The following ITGBL1 variants were observed in gnomAD, a reference collection of about 807,000 sequenced individuals.
ITGBL1 encodes the protein integrin subunit beta like 1, also known as integrin beta-like protein 1.
In ITGBL1, 51 loss-of-function variants were observed where a neutral mutation model predicts 68.5. That is an observed-to-expected ratio of 0.74 (90% CI 0.59 to 0.94). The LOEUF is 0.94. Ranked by LOEUF, ITGBL1 falls within the 40% of genes least tolerant of loss-of-function variation. The pLI, the probability that ITGBL1 is intolerant of heterozygous loss-of-function variation, is 0.00. For synonymous variants in ITGBL1, 209 were observed against 227.3 expected (o/e 0.92, Z 0.72); for missense variants, 649 against 647.4 (o/e 1.00, Z -0.03).
At chr13:101,566,669 G>A (rs1234982486) in intron 2 of ITGBL1, among the ~76,000 whole-genome samples, 2 of 152,026 alleles carry the variant, frequency 1.3e-5, no homozygotes, top group Admixed American at 6.6e-5. Flanking sequence ...CTTATCCCTT[G>A]GATTTCAGCT....
intron 6 of ITGBL1, among the ~76,000 whole-genome samples, chr13:101,594,579 G>T (rs1566747086): frequency 6.6e-6 from 1 of 152,074 alleles, no homozygotes; most frequent in Non-Finnish European, 1.5e-5. Flanking sequence ...AAAAATAAAT[G>T]AGTGGGACTG....
At chr13:101,620,549 C>A (rs17624306) in intron 7 of ITGBL1, among the ~76,000 whole-genome samples, 12,257 of 152,086 alleles carry the variant, frequency 0.081, 782 homozygotes, top group African/African-American at 0.17. Flanking sequence ...AGCAGTATTT[C>A]TAGAAGGCAT....
intron 2 of ITGBL1, among the ~76,000 whole-genome samples, chr13:101,462,831 C>T (rs1018172092): frequency 1.3e-5 from 2 of 152,196 alleles, no homozygotes; most frequent in Admixed American, 6.5e-5. Context: ...GATCCACCTG[C>T]CTTGGCCTCC....
In ITGBL1 at chr13:101,544,494, G is replaced by A. The variant is rs536219170; in HGVS notation, c.317-23205G>A. 4.4e-4 allele frequency among the ~76,000 whole-genome samples: 66 copies of A among 151,440 alleles called. No individual in the cohort carries two copies. The South Asian group carries it at 0.011, about 25-fold the overall frequency. ...GGGGTGCCTCCCAGCTAGGCTCCTC[G>A]GGGGTCAGGGACCCACTTGAGGAGG... is the stretch of plus-strand genomic sequence containing the variant. On this transcript the variant is annotated intron_variant, in intron 2 of 10. Transcript: ENST00000376180.
At position 101,604,873 on chromosome 13, in the gene ITGBL1, T is replaced by C. The variant is rs1338407912; in HGVS notation, c.1015+6574T>C. Among the ~76,000 whole-genome samples the C allele has an allele frequency of 2.5e-3, 51 of 20,124 alleles. 1 individual carries two copies. The highest frequency in any genetic ancestry group is 0.071 in the Middle Eastern group (1 of 14). 13.2% of individuals were successfully genotyped at this position (20,124 alleles called of 152,430 possible). ...ATATATATATATATATATATATATA[T>C]ATATATATATATATACACACACACA... On this transcript the variant is annotated intron_variant, in intron 7 of 10. Transcript: ENST00000376180.
intron 7 of ITGBL1, among the ~76,000 whole-genome samples, chr13:101,673,886 A>G (rs1039503813): frequency 1.3e-5 from 2 of 152,170 alleles, no homozygotes; most frequent in African/African-American, 4.8e-5. Context: ...ATCAGCAATC[A>G]CTTCCCTCTG....
chr13:101,528,411 C>G (rs947667923), intron 2 of ITGBL1, among the ~76,000 whole-genome samples: 1 of 151,662 alleles, frequency 6.6e-6, no homozygotes, highest in Non-Finnish European at 1.5e-5. Context: ...TTTCAGTGAT[C>G]TTTCCAAGAA....
intron 7 of ITGBL1, among the ~76,000 whole-genome samples, chr13:101,622,277 A>G (rs1486170897): frequency 6.6e-6 from 1 of 152,166 alleles, no homozygotes; most frequent in Non-Finnish European, 1.5e-5. Context: ...CATCAACCTC[A>G]TGATGATGGT....
intron 7 of ITGBL1, among the ~76,000 whole-genome samples, chr13:101,669,074 A>G (rs577546485): frequency 2.8e-4 from 43 of 152,222 alleles, no homozygotes; most frequent in African/African-American, 9.6e-4. Flanking sequence ...ATGTAATTCT[A>G]TATGTAAGTT....
chr13:101,720,800 A>AT (rs1358026187), downstream of ITGBL1: 15 of 152,124 alleles, frequency 9.9e-5, no homozygotes, highest in Admixed American at 5.2e-4. Flanking sequence ...CAAAGGAATC[A>AT]TTTTGTTTGT....
At chr13:101,590,648 G>A (rs1014551443) in intron 6 of ITGBL1, among the ~76,000 whole-genome samples, 4 of 152,118 alleles carry the variant, frequency 2.6e-5, no homozygotes, top group Admixed American at 2.6e-4. Context: ...GTGTCAACAA[G>A]TCTCTCGCAA....
intron 7 of ITGBL1, among the ~76,000 whole-genome samples, chr13:101,641,200 CAG>C (rs1212969177): frequency 1.1e-4 from 17 of 152,090 alleles, no homozygotes; most frequent in Non-Finnish European, 2.4e-4. Flanking sequence ...AGATTAGCAG[CAG>C]AGTGTCAATG....
chr13:101,704,445 A>G (rs1015987607), intron 8 of ITGBL1, among the ~76,000 whole-genome samples: 2 of 151,414 alleles, frequency 1.3e-5, no homozygotes, highest in Non-Finnish European at 1.5e-5. Context: ...AGATGATTAA[A>G]GATAAACATT....
chr13:101,562,526 C>G (rs2050116846), intron 2 of ITGBL1, among the ~76,000 whole-genome samples: 1 of 151,818 alleles, frequency 6.6e-6, no homozygotes, highest in Non-Finnish European at 1.5e-5. Context: ...ACTGGATCAA[C>G]TATACTGATG....
In ITGBL1 at chr13:101,689,211, T is replaced by TAAAAAAAAAAAAAAAAAAAAAAAAAA. The variant is rs34627046; in HGVS notation, c.1016-3352_1016-3351insAAAAAAAAAAAAAAAAAAAAAAAAAA. On this transcript the variant is annotated intron_variant, in intron 7 of 10. Coordinates refer to ENST00000376180, the MANE Select transcript of ITGBL1 (RefSeq NM_004791.3). ...CCTGGGGACAGAGCAAGACTCTGCCTAAAAAAAAAAAAAAAAAAAAAATTA... is the reference window on the plus strand; with the variant it reads ...CCTGGGGACAGAGCAAGACTCTGCCTAAAAAAAAAAAAAAAAAAAAAAAAAAAAAAAAAAAAAAAAAAAAAAAATTA... Among the ~76,000 whole-genome samples, 353 of 74,808 alleles carry TAAAAAAAAAAAAAAAAAAAAAAAAAA rather than the reference T, an allele frequency of 4.7e-3. 24 individuals carry two copies. Among genetic ancestry groups the TAAAAAAAAAAAAAAAAAAAAAAAAAA allele is most frequent in the Non-Finnish European group, 6.8e-3 (257 of 37,772 alleles). 49.1% of individuals were successfully genotyped at this position (74,808 alleles called of 152,430 possible). A position where few individuals can be genotyped will look rare whatever the true frequency, so the allele number is the denominator to read the frequency against.
At chr13:101,565,221 A>C (rs2050165150) in intron 2 of ITGBL1, among the ~76,000 whole-genome samples, 1 of 152,130 alleles carries the variant, frequency 6.6e-6, no homozygotes, top group Non-Finnish European at 1.5e-5. Context: ...TGACACTGTA[A>C]TGGAGATTAC....
intron 3 of ITGBL1, among the ~76,000 whole-genome samples, chr13:101,573,589 G>T (rs2050307453): frequency 2.0e-5 from 3 of 152,126 alleles, no homozygotes; most frequent in Non-Finnish European, 4.4e-5. Flanking sequence ...AGGTGCAGCA[G>T]TGCTTCTAGA....
At chr13:101,578,960 A>C (rs920379697) in intron 4 of ITGBL1, among the ~76,000 whole-genome samples, 1 of 152,346 alleles carries the variant, frequency 6.6e-6, no homozygotes, top group Admixed American at 6.5e-5. Flanking sequence ...GTGAATGCTC[A>C]TATATATTTG....
downstream of ITGBL1, chr13:101,717,411 T>C (rs1056473673): frequency 1.3e-5 from 2 of 152,164 alleles, no homozygotes; most frequent in Non-Finnish European, 2.9e-5. Flanking sequence ...GAAATATAAG[T>C]AGTCAATAAA....
Sources: gnomAD v4.1 joint callset for allele counts (sites outside exome capture counted in the v4.1 genomes callset) on GRCh38, gnomAD v4.1.1 for gene constraint, MANE v1.5 for transcripts, NCBI Gene and HGNC (gene_info 2026-07-23, HGNC 2026-07-21) for gene names.